ZSWIM6: variants seen among roughly 807,000 people sequenced by gnomAD.
ZSWIM6 encodes the protein zinc finger SWIM domain-containing protein 6.
In ZSWIM6, 9 loss-of-function variants were observed where a neutral mutation model predicts 113.2. The observed-to-expected ratio is 0.08, with a 90% CI of 0.05 to 0.14. The LOEUF (loss-of-function observed/expected upper bound fraction) is 0.14. ZSWIM6 is among the 10% of genes least tolerant of loss of function. The pLI is 1.00. For missense variants in ZSWIM6, 1,162 were observed against 1,552.2 expected, an observed-to-expected ratio of 0.75 and a Z score of 4.22; for synonymous variants, 611 against 606.5, an observed-to-expected ratio of 1.01 and a Z score of -0.11.
chr5:61,380,066 A>G (rs572285686), intron 1 of ZSWIM6, among the ~76,000 whole-genome samples: 4 of 151,982 alleles, frequency 2.6e-5, no homozygotes, highest in African/African-American at 7.2e-5. Context: ...CTCTGTCTTC[A>G]TACTAGATTT....
At chr5:61,337,499 G>A (rs1390809760) in intron 1 of ZSWIM6, among the ~76,000 whole-genome samples, 2 of 152,174 alleles carry the variant, frequency 1.3e-5, no homozygotes, top group South Asian at 2.1e-4. Context: ...ATGATGTTCT[G>A]TATAGTGATG....
chr5:61,400,148 T>G (rs570823033), intron 1 of ZSWIM6, among the ~76,000 whole-genome samples: 1 of 152,316 alleles, frequency 6.6e-6, no homozygotes, highest in African/African-American at 2.4e-5. Flanking sequence ...CAAGGTAGTT[T>G]TGAGCAACTT....
chr5:61,405,839 C>T lies in ZSWIM6; in HGVS notation c.677-66842C>T, dbSNP rs543127139. Among the ~76,000 whole-genome samples, 22 of 152,314 alleles carry T rather than the reference C, an allele frequency of 1.4e-4. No individual in the cohort carries two copies. In the South Asian group the frequency reaches 3.9e-3, roughly 27 times the overall value. On this transcript the variant is annotated intron_variant, in intron 1 of 13. Coordinates refer to ENST00000252744, the MANE Select transcript of ZSWIM6 (RefSeq NM_020928.2). Reference sequence around the variant, plus strand: ...CTCCATAAAAATAATTGTAGCACCACATCTTTATTTGGAAGATTAAAGTCT... The same window carrying T: ...CTCCATAAAAATAATTGTAGCACCATATCTTTATTTGGAAGATTAAAGTCT...
At chr5:61,435,619 T>C (rs1455937316) in intron 1 of ZSWIM6, among the ~76,000 whole-genome samples, 1 of 152,246 alleles carries the variant, frequency 6.6e-6, no homozygotes, top group East Asian at 1.9e-4. Context: ...TACTTACTCA[T>C]AAACAGATGT....
At chr5:61,399,861 A>G (rs556595396) in intron 1 of ZSWIM6, among the ~76,000 whole-genome samples, 2 of 152,296 alleles carry the variant, frequency 1.3e-5, no homozygotes, top group Admixed American at 6.5e-5. Flanking sequence ...GGACCCTGGA[A>G]AACTGCCCTC....
rs115254586 is a variant in ZSWIM6, at chr5:61,434,561, G to A, written c.677-38120G>A. On this transcript the variant is annotated intron_variant, in intron 1 of 13. Transcript: ENST00000252744. ...ATGATATTTGGTTTTCCATTCCTGA[G>A]TCATTTCACTTAGAACAGTGGTGTT... 2.6e-3 allele frequency among the ~76,000 whole-genome samples: 402 copies of A among 151,952 alleles called. 4 individuals carry two copies. Among genetic ancestry groups the A allele is most frequent in the African/African-American group, 9.3e-3 (384 of 41,404 alleles).
At position 61,501,372 on chromosome 5, in the gene ZSWIM6, C is replaced by T. The variant is rs899634042; in HGVS notation, c.1333+6962C>T. Among the ~76,000 whole-genome samples, 3 of 152,278 alleles carry T rather than the reference C, an allele frequency of 2.0e-5. No homozygotes were observed. In the South Asian group the frequency reaches 6.2e-4, roughly 32 times the overall value. ...AATACTTGCTGTGTACTGCTATCAA[C>T]TATCCTCTTGACTGTGGCTGCTAGG... On this transcript the variant is annotated intron_variant, in intron 4 of 13. Transcript: ENST00000252744.
intron 1 of ZSWIM6, among the ~76,000 whole-genome samples, chr5:61,467,998 G>C (rs1199688848): frequency 6.6e-6 from 1 of 152,136 alleles, no homozygotes; most frequent in Admixed American, 6.5e-5. Context: ...CCCCTCCCCT[G>C]TTTCTCCAGC....
intron 1 of ZSWIM6, among the ~76,000 whole-genome samples, chr5:61,349,172 T>C (rs1744732894): frequency 6.6e-6 from 1 of 152,222 alleles, no homozygotes; most frequent in African/African-American, 2.4e-5. Context: ...TATCATTGTT[T>C]AGCAGGTATT....
intron 5 of ZSWIM6, among the ~76,000 whole-genome samples, chr5:61,522,779 C>T (rs924922235): frequency 2.0e-5 from 3 of 152,130 alleles, no homozygotes; most frequent in Non-Finnish European, 2.9e-5. Flanking sequence ...TATTCTCTTC[C>T]GTTGCTAGGA....
At chr5:61,499,795 A>C (rs1325419252) in intron 4 of ZSWIM6, among the ~76,000 whole-genome samples, 1 of 152,210 alleles carries the variant, frequency 6.6e-6, no homozygotes, top group Non-Finnish European at 1.5e-5. Flanking sequence ...GATGGTAGAC[A>C]GGTATCATAA....
intron 1 of ZSWIM6, among the ~76,000 whole-genome samples, chr5:61,348,537 A>T (rs1744715551): frequency 6.6e-6 from 1 of 152,238 alleles, no homozygotes; most frequent in South Asian, 2.1e-4. Context: ...AGTTCAGTAT[A>T]TGACAGTCTA....
chr5:61,517,765 T>TTTAATTA (rs1474577435), intron 4 of ZSWIM6, among the ~76,000 whole-genome samples: 31 of 150,838 alleles, frequency 2.1e-4, no homozygotes, highest in African/African-American at 7.0e-4. Flanking sequence ...GGAGATTTTT[T>TTTAATTA]TTTAATTATT....
intron 1 of ZSWIM6, among the ~76,000 whole-genome samples, chr5:61,469,457 C>G (rs1458698453): frequency 2.0e-5 from 3 of 152,132 alleles, no homozygotes; most frequent in Non-Finnish European, 4.4e-5. Context: ...CTTCACATTT[C>G]TCTTGGAATT....
At chr5:61,498,302 G>A (rs1301989234) in intron 4 of ZSWIM6, among the ~76,000 whole-genome samples, 1 of 152,122 alleles carries the variant, frequency 6.6e-6, no homozygotes, top group Non-Finnish European at 1.5e-5. Context: ...TTGCTTTCTA[G>A]CATATAAATC....
At chr5:61,502,442 G>C (rs998104748) in intron 4 of ZSWIM6, among the ~76,000 whole-genome samples, 1 of 152,168 alleles carries the variant, frequency 6.6e-6, no homozygotes, top group Non-Finnish European at 1.5e-5. Context: ...AGGGGGAAGC[G>C]AGTGCTGAAG....
At chr5:61,539,036 T>C in intron 11 of ZSWIM6, 65 bp downstream of exon 11, 2 of 1,428,152 alleles carry the variant, frequency 1.4e-6, no homozygotes, top group Non-Finnish European at 1.9e-6. Flanking sequence ...TTTTTAAGTC[T>C]TGTTTTCTAT....
At chr5:61,342,135 C>T (rs961787530) in intron 1 of ZSWIM6, among the ~76,000 whole-genome samples, 12 of 152,118 alleles carry the variant, frequency 7.9e-5, no homozygotes, top group African/African-American at 2.9e-4. Context: ...CCACCTCGGC[C>T]TCCTAAAATG....
At chr5:61,489,037 CT>C (rs1748106619) in intron 2 of ZSWIM6, among the ~76,000 whole-genome samples, 1 of 151,990 alleles carries the variant, frequency 6.6e-6, no homozygotes, top group South Asian at 2.1e-4. Context: ...TCTGATCCTG[CT>C]TCTTTTCTCC....
Sources: allele counts gnomAD v4.1 joint callset (sites outside exome capture counted in the v4.1 genomes callset), GRCh38; gene constraint gnomAD v4.1.1; transcripts MANE v1.5; gene names NCBI Gene and HGNC (gene_info 2026-07-23, HGNC 2026-07-21).